Variants in SSPN observed in about 807,000 individuals in gnomAD.
SSPN encodes sarcospan, also known as K-ras oncogene-associated protein.
Under a neutral mutation model 19.1 loss-of-function variants are expected in SSPN, and 15 were observed. That is an observed-to-expected ratio of 0.78 (90% CI 0.52 to 1.21). The LOEUF is 1.21. Among genes scored for constraint, SSPN ranks in the 50% most tolerant of loss-of-function variants. SSPN has a pLI of 0.00. For missense variants in SSPN, 291 were observed against 314.0 expected (o/e 0.93, Z 0.55); for synonymous variants, 147 against 140.3 (o/e 1.05, Z -0.34).
At chr12:26,188,258 G>T (rs1944766313) in intron 1 of SSPN, among the ~76,000 whole-genome samples, 1 of 152,114 alleles carries the variant, frequency 6.6e-6, no homozygotes, top group Non-Finnish European at 1.5e-5. Context: ...AAAAATGAAA[G>T]AATTCATAGA....
At chr12:26,140,424 A>G (rs1296052340) in intron 1 of SSPN, among the ~76,000 whole-genome samples, 1 of 152,112 alleles carries the variant, frequency 6.6e-6, no homozygotes, top group Non-Finnish European at 1.5e-5. Context: ...AGTCCTCACC[A>G]TCTTCAGTGC....
chr12:26,122,486 G>A (rs2137385662), intron 1 of SSPN: 2 of 1,327,938 alleles, frequency 1.5e-6, no homozygotes, highest in Non-Finnish European at 1.9e-6. Context: ...AGGGGGCCGC[G>A]GCGGCCGCGG....
At chr12:26,182,422 A>C (rs1565680228) in intron 1 of SSPN, among the ~76,000 whole-genome samples, 1 of 152,256 alleles carries the variant, frequency 6.6e-6, no homozygotes, top group East Asian at 1.9e-4. Flanking sequence ...GATGGTTTTT[A>C]AATCATCATT....
chr12:26,122,081 T>A, exon 1 of SSPN: 1 of 1,549,490 alleles, frequency 6.5e-7, no homozygotes, highest in Non-Finnish European at 8.7e-7. Flanking sequence ...GAGCTTCCTT[T>A]CCTGGCTGCG....
chr12:26,187,534 A>G (rs897668266), intron 1 of SSPN, among the ~76,000 whole-genome samples: 3 of 152,186 alleles, frequency 2.0e-5, no homozygotes, highest in Admixed American at 6.5e-5. Flanking sequence ...TTTTGATGTA[A>G]CCGTCACGAG....
At position 26,195,852 on chromosome 12, in the gene SSPN, G is replaced by T; in HGVS notation, c.180G>T (p.Gln60His). The change falls in exon 1 of 3, where the codon CAG becomes CAT. Residue 60 changes from glutamine to histidine, a missense_variant. Transcript: ENST00000242729. Reference protein sequence around the residue: ...CRFPLLLALLQLALGIAVTVV... With the variant: ...CRFPLLLALLHLALGIAVTVV... Reference sequence around the variant, plus strand: ...TCCCGCTGCTGCTCGCCCTGCTGCAGCTGGCCCTGGGCATCGCCGTGACCG... The same window carrying T: ...TCCCGCTGCTGCTCGCCCTGCTGCATCTGGCCCTGGGCATCGCCGTGACCG... 1 of 1,554,900 alleles carries T rather than the reference G, an allele frequency of 6.4e-7. No individual in the cohort carries two copies. Among genetic ancestry groups the T allele is most frequent in the Non-Finnish European group, 8.7e-7 (1 of 1,154,740 alleles).
At position 26,231,265 on chromosome 12, in the gene SSPN, C is replaced by A; in HGVS notation, c.*189C>A. 3 of 925,738 alleles carry A rather than the reference C, an allele frequency of 3.2e-6. No individual in the cohort carries two copies. The highest frequency in any genetic ancestry group is 4.5e-6 in the Non-Finnish European group (3 of 665,234). The allele number at this position is 925,738 out of a possible 1,614,324, so 57.3% of individuals were successfully genotyped here. A position where few individuals can be genotyped will look rare whatever the true frequency, so the allele number is the denominator to read the frequency against. ...TTTCTATTGTATTTTTTTTAACATT[C>A]TTGCAGAGAAAGCAAGATCCAAATT... On this transcript the variant is annotated 3_prime_UTR_variant, in exon 3 of 3. Coordinates refer to ENST00000242729, the MANE Select transcript of SSPN (RefSeq NM_005086.5).
chr12:26,203,399 A>G (rs1215272640), intron 1 of SSPN, among the ~76,000 whole-genome samples: 2 of 152,178 alleles, frequency 1.3e-5, no homozygotes, highest in Non-Finnish European at 2.9e-5. Flanking sequence ...TAAATGTTCA[A>G]GTCTAGGTTT....
intron 1 of SSPN, among the ~76,000 whole-genome samples, chr12:26,201,156 T>G (rs1376055916): frequency 2.0e-5 from 3 of 150,292 alleles, no homozygotes; most frequent in Non-Finnish European, 3.0e-5. Context: ...GCAGGCAAAT[T>G]GCATGAGCTC....
At chr12:26,222,971 T>C (rs1945138746) in intron 1 of SSPN, among the ~76,000 whole-genome samples, 1 of 152,114 alleles carries the variant, frequency 6.6e-6, no homozygotes, top group African/African-American at 2.4e-5. Flanking sequence ...CCCCATCTCT[T>C]TCTCTGAATT....
chr12:26,176,427 A>G lies in SSPN; in HGVS notation c.-30-47866A>G, dbSNP rs186258857. Among the ~76,000 whole-genome samples, 155 of 152,260 alleles carry G rather than the reference A, an allele frequency of 1.0e-3. 2 individuals carry two copies. The Middle Eastern group carries it at 0.044, about 43-fold the overall frequency. On this transcript the variant is annotated intron_variant, in intron 1 of 2. Transcript: ENST00000538142. ...CCCTCTAAATCCTTAAAGCGGTATC[A>G]AAAGTCTGCTAAATTTACTTCTGGA... is the stretch of plus-strand genomic sequence containing the variant.
chr12:26,221,185 C>G, intron 1 of SSPN, among the ~76,000 whole-genome samples: 1 of 152,142 alleles, frequency 6.6e-6, no homozygotes, highest in East Asian at 1.9e-4. Context: ...TTTCTTCATG[C>G]CTTTGCACGT....
rs2137522826 is a variant in SSPN at position 26,230,842 on chromosome 12, G to C, written c.498G>C (p.Leu166=). ...CACTCGACTCTTGCCAGTGCAAACT[G>C]CCCTCCTCGGAGCCGCTCAGCAGGA... ...ETTLDSCQCK[L]PSSEPLSRTF... Residue 166 remains leucine (L), a synonymous_variant, in exon 3 of 3, where the codon CTG becomes CTC. Coordinates refer to ENST00000242729, the MANE Select transcript of SSPN (RefSeq NM_005086.5). 1 of 1,614,172 alleles carries C rather than the reference G, an allele frequency of 6.2e-7. No homozygotes were observed. Among genetic ancestry groups the C allele is most frequent in the South Asian group, 1.1e-5 (1 of 91,084 alleles).
chr12:26,130,291 A>G (rs902536210), intron 1 of SSPN, among the ~76,000 whole-genome samples: 3 of 152,234 alleles, frequency 2.0e-5, no homozygotes, highest in Admixed American at 2.0e-4. Context: ...ACATTCAAAT[A>G]TAAATAAGAT....
rs78611875 is a variant in SSPN, at chr12:26,206,623, G to A, written c.279+10672G>A. 1.7e-3 allele frequency among the ~76,000 whole-genome samples: 259 copies of A among 152,254 alleles called. 1 individual carries two copies. Among genetic ancestry groups the A allele is most frequent in the African/African-American group, 6.0e-3 (248 of 41,534 alleles). The stretch of plus-strand genomic sequence containing the variant: ...TCCAGCCCATGACTATACCACCGGA[G>A]TAGGCTCAATCCACATCAGCAAGAT... On this transcript the variant is annotated intron_variant, in intron 1 of 2. Transcript: ENST00000242729.
intron 1 of SSPN, among the ~76,000 whole-genome samples, chr12:26,135,843 T>TTTTG (rs1944422134): frequency 6.6e-6 from 1 of 152,170 alleles, no homozygotes; most frequent in South Asian, 2.1e-4. Flanking sequence ...TGAGATACAA[T>TTTTG]TCTGAGTCAA....
chr12:26,196,055 T>A (rs1944826872), intron 1 of SSPN, 104 bp downstream of exon 1: 1 of 994,572 alleles, frequency 1.0e-6, no homozygotes, highest in African/African-American at 1.7e-5. Flanking sequence ...TTCCCCGGGT[T>A]CACTCTTCTA....
Position 26,197,146 on chromosome 12 carries a change from A to G in SSPN, c.279+1195A>G, listed in dbSNP as rs577746639. ...TTTTTGACTCCTTGTCTCATATTGC[A>G]TCCTTACTGCTATTACTGACCACAG... On this transcript the variant is annotated intron_variant, in intron 1 of 2. Coordinates refer to ENST00000242729, the MANE Select transcript of SSPN (RefSeq NM_005086.5). Among the ~76,000 whole-genome samples, 3 of 152,298 alleles carry G rather than the reference A, an allele frequency of 2.0e-5. No individual in the cohort carries two copies. The South Asian group carries it at 6.2e-4, about 32-fold the overall frequency.
chr12:26,200,996 A>G (rs1481198927), intron 1 of SSPN, among the ~76,000 whole-genome samples: 1 of 118,158 alleles, frequency 8.5e-6, no homozygotes, highest in African/African-American at 3.3e-5. Flanking sequence ...ATTCTGGCAA[A>G]AGAAGTTAAT....
Sources: gnomAD v4.1 joint callset for allele counts (sites outside exome capture counted in the v4.1 genomes callset) on GRCh38, gnomAD v4.1.1 for gene constraint, MANE v1.5 for transcripts, NCBI Gene and HGNC (gene_info 2026-07-23, HGNC 2026-07-21) for gene names.